SANBR: variants seen among roughly 807,000 people sequenced by gnomAD.
SANBR encodes the protein SANT and BTB domain regulator of class switch recombination.
SANBR carries 77 observed loss-of-function variants against 101.8 expected under a neutral mutation model. That is an observed-to-expected ratio of 0.76 (90% confidence interval 0.63 to 0.91). The LOEUF (loss-of-function observed/expected upper bound fraction) is 0.91, where lower values mean the gene tolerates loss of function less well. Among genes scored for constraint, SANBR ranks in the 40% least tolerant of loss-of-function variants. The pLI is 0.00. For synonymous variants in SANBR, 279 were observed against 274.7 expected, an observed-to-expected ratio of 1.02 and a Z score of -0.15; for missense variants, 875 against 853.0, an observed-to-expected ratio of 1.03 and a Z score of -0.32.
At chr2:61,084,008 G>A (rs1044234576) in intron 8 of SANBR, among the ~76,000 whole-genome samples, 2 of 152,122 alleles carry the variant, frequency 1.3e-5, no homozygotes, top group African/African-American at 4.8e-5. Context: ...GCCCAGGCTG[G>A]AGTGCAGTAG....
intron 3 of SANBR, among the ~76,000 whole-genome samples, chr2:61,070,890 C>G (rs1417031993): frequency 6.6e-6 from 1 of 151,640 alleles, no homozygotes; most frequent in Non-Finnish European, 1.5e-5. Flanking sequence ...CTTCCCACCT[C>G]AGCATCTCAC....
chr2:61,120,877 T>C (rs1346022716), intron 20 of SANBR, among the ~76,000 whole-genome samples: 1 of 152,072 alleles, frequency 6.6e-6, no homozygotes, highest in Non-Finnish European at 1.5e-5. Flanking sequence ...AACAGACAAA[T>C]AGTTGCCAGA....
chr2:61,116,267 A>G (rs1684075554), intron 17 of SANBR, among the ~76,000 whole-genome samples, 197 bp downstream of exon 17: 1 of 152,202 alleles, frequency 6.6e-6, no homozygotes, highest in Admixed American at 6.5e-5. Context: ...GTATAGTGGT[A>G]TAGTATGCTA....
In SANBR at chr2:61,109,302, G is replaced by A. The variant is rs1683709729; in HGVS notation, c.1744+6G>A. ...AGAAGTATCCAAGAAACAAAGTATT[G>A]GTTTATAAGTTAAAATCAAATCTCC... On this transcript the variant is annotated splice_donor_region_variant and intron_variant, in intron 16 of 21. Transcript: ENST00000402291. 1.3e-6 allele frequency: 2 copies of A among 1,485,988 alleles called. No individual in the cohort carries two copies. The highest frequency in any genetic ancestry group is 1.8e-6 in the Non-Finnish European group (2 of 1,087,992). 92.1% of individuals were successfully genotyped at this position (1,485,988 alleles called of 1,614,324 possible).
At chr2:61,106,236 C>A (rs1683557567) in intron 13 of SANBR, among the ~76,000 whole-genome samples, 1 of 151,372 alleles carries the variant, frequency 6.6e-6, no homozygotes, top group Non-Finnish European at 1.5e-5. Flanking sequence ...TACAAAAATA[C>A]AAAAATTAGC....
intron 5 of SANBR, among the ~76,000 whole-genome samples, chr2:61,074,557 T>C (rs554118945): frequency 1.7e-4 from 26 of 152,156 alleles, no homozygotes; most frequent in Non-Finnish European, 3.1e-4. Context: ...TACAGGTGTG[T>C]GCCACCGTGC....
intron 8 of SANBR, among the ~76,000 whole-genome samples, chr2:61,087,123 A>G (rs1191557647): frequency 6.6e-6 from 1 of 152,184 alleles, no homozygotes; most frequent in African/African-American, 2.4e-5. Flanking sequence ...ATGAGATTGG[A>G]CATACTAACC....
chr2:61,123,287 TATTC>T lies in SANBR; in HGVS notation c.*1127_*1130del, dbSNP rs1684405766. On this transcript the variant is annotated 3_prime_UTR_variant, in exon 22 of 22. Transcript: ENST00000402291. ...CCTTATAACTGACATTTCTTCAAAT[TATTC>T]AGAGAACAGACTTTAATAATGTGTG... 4.1e-6 allele frequency: 4 copies of T among 981,040 alleles called. No individual in the cohort carries two copies. The South Asian group carries it at 1.9e-4, about 46-fold the overall frequency. 60.8% of individuals were successfully genotyped at this position (981,040 alleles called of 1,614,324 possible).
chr2:61,122,093 A>G (rs1559147379), intron 21 of SANBR, 33 bp from the exon 22 acceptor site: 2 of 1,547,550 alleles, frequency 1.3e-6, no homozygotes, highest in East Asian at 2.4e-5. Flanking sequence ...TTTAGAAGCA[A>G]TTCTGACCTC....
At chr2:61,117,683 A>G (rs1199356820) in intron 19 of SANBR, 143 bp downstream of exon 19, 3 of 696,188 alleles carry the variant, frequency 4.3e-6, no homozygotes, top group African/African-American at 3.6e-5. Context: ...CTTAGGCAAC[A>G]ACCAGAGTTT....
chr2:61,107,885 CA>C (rs372947000), intron 14 of SANBR, among the ~76,000 whole-genome samples: 16,565 of 121,108 alleles, frequency 0.14, 1,119 homozygotes, highest in Middle Eastern at 0.3. Flanking sequence ...GACTCTGTCT[CA>C]AAAAAAAAAA....
At chr2:61,082,232 AG>A (rs1454288384) in intron 7 of SANBR, among the ~76,000 whole-genome samples, 2 of 152,196 alleles carry the variant, frequency 1.3e-5, no homozygotes, top group African/African-American at 4.8e-5. Flanking sequence ...GAAGGGTTAC[AG>A]AAAAAAAGCA....
At chr2:61,073,111 G>A (rs954798879) in intron 4 of SANBR, among the ~76,000 whole-genome samples, 2 of 152,128 alleles carry the variant, frequency 1.3e-5, no homozygotes, top group East Asian at 1.9e-4. Flanking sequence ...TGAGTGTAGC[G>A]AGTTATTTTA....
intron 1 of SANBR, among the ~76,000 whole-genome samples, chr2:61,068,444 T>G (rs1005233458): frequency 6.6e-6 from 1 of 152,132 alleles, no homozygotes; most frequent in Admixed American, 6.6e-5. Context: ...TAGTAATAAT[T>G]TATTTATTTT....
intron 16 of SANBR, among the ~76,000 whole-genome samples, chr2:61,110,843 C>T (rs13427396): frequency 0.043 from 5,019 of 116,112 alleles, 285 homozygotes; most frequent in African/African-American, 0.14. Flanking sequence ...AGTGAAACTC[C>T]ATCTAAAAAA....
chr2:61,102,444 A>G (rs77051680), intron 12 of SANBR, among the ~76,000 whole-genome samples: 9,324 of 151,816 alleles, frequency 0.061, 1,013 homozygotes, highest in African/African-American at 0.22. Context: ...TCCTGTAAAC[A>G]TGAAAAGGAC....
chr2:61,094,057 T>G (rs1682908711), intron 11 of SANBR: 1 of 980,838 alleles, frequency 1.0e-6, no homozygotes, highest in Non-Finnish European at 1.2e-6. Context: ...AAGAACAGCT[T>G]GTCAAAATCT....
chr2:61,095,169 A>T (rs1019354887), intron 11 of SANBR, among the ~76,000 whole-genome samples: 3 of 152,332 alleles, frequency 2.0e-5, no homozygotes, highest in Non-Finnish European at 4.4e-5. Context: ...TCGGAGTGTG[A>T]CATAATCAAG....
chr2:61,124,650 G>A (rs1388130804), downstream of SANBR, among the ~76,000 whole-genome samples: 1 of 150,890 alleles, frequency 6.6e-6, no homozygotes, highest in African/African-American at 2.4e-5. Flanking sequence ...AGGCTTCAGT[G>A]AGCCATGATT....
Sources: gnomAD v4.1 joint callset for allele counts (sites outside exome capture counted in the v4.1 genomes callset) on GRCh38, gnomAD v4.1.1 for gene constraint, MANE v1.5 for transcripts, NCBI Gene and HGNC (gene_info 2026-07-23, HGNC 2026-07-21) for gene names.